HPSE2: variants seen among roughly 807,000 people sequenced by gnomAD.
HPSE2 encodes the protein heparanase 2 (inactive), also known as inactive heparanase-2.
HPSE2 carries 38 observed loss-of-function variants against 60.5 expected under a neutral mutation model. The ratio of observed to expected loss-of-function variants is 0.63; its 90% confidence interval spans 0.48 to 0.82. The LOEUF (loss-of-function observed/expected upper bound fraction) is 0.82, where lower values mean the gene tolerates loss of function less well. HPSE2 is among the 40% of genes least tolerant of loss of function. HPSE2 has a pLI of 0.00. For synonymous variants in HPSE2, 295 were observed against 293.2 expected, an observed-to-expected ratio of 1.01 and a Z score of -0.06; for missense variants, 713 against 740.4, an observed-to-expected ratio of 0.96 and a Z score of 0.43.
chr10:98,985,287 G>T (rs1270964755), intron 3 of HPSE2, among the ~76,000 whole-genome samples: 2 of 152,204 alleles, frequency 1.3e-5, no homozygotes, highest in Non-Finnish European at 2.9e-5. Flanking sequence ...ACTAACAGCT[G>T]ATCTCTTGGC....
chr10:98,472,893 A>T (rs1940838494), intron 11 of HPSE2, among the ~76,000 whole-genome samples: 1 of 152,212 alleles, frequency 6.6e-6, no homozygotes, highest in South Asian at 2.1e-4. Flanking sequence ...CAATGGAGGA[A>T]ATTGCCTTAT....
chr10:98,941,154 TC>T (rs1954986600), intron 3 of HPSE2, among the ~76,000 whole-genome samples: 1 of 140,730 alleles, frequency 7.1e-6, no homozygotes, highest in Non-Finnish European at 1.5e-5. Flanking sequence ...CTGGAAGCAA[TC>T]CCTTAGAAAA....
rs144567671 is a variant in HPSE2 at position 98,843,633 on chromosome 10, T to G, written c.611-99577A>C. Among the ~76,000 whole-genome samples the G allele has an allele frequency of 2.6e-5, 4 of 152,362 alleles. No homozygotes were observed. The East Asian group carries it at 7.7e-4, about 29-fold the overall frequency. ...CTAACCTACTTCCTGCTAAAATCTA[T>G]TCCCACTCCTACACTCACTGTTGAA... On this transcript the variant is annotated intron_variant, in intron 3 of 11. Coordinates refer to ENST00000370552, the MANE Select transcript of HPSE2 (RefSeq NM_021828.5).
At chr10:99,122,582 A>G (rs1360600231) in intron 3 of HPSE2, among the ~76,000 whole-genome samples, 3 of 148,230 alleles carry the variant, frequency 2.0e-5, no homozygotes, top group Non-Finnish European at 4.5e-5. Flanking sequence ...CAATAAAACT[A>G]TAAAATATCT....
chr10:99,180,376 T>A (rs963834330), intron 2 of HPSE2, among the ~76,000 whole-genome samples: 3 of 152,048 alleles, frequency 2.0e-5, no homozygotes, highest in African/African-American at 7.2e-5. Context: ...AGGGCTAATT[T>A]CCAGAATCTA....
intron 3 of HPSE2, among the ~76,000 whole-genome samples, chr10:99,127,441 A>C (rs976967109): frequency 2.6e-5 from 4 of 152,206 alleles, no homozygotes; most frequent in African/African-American, 9.6e-5. Context: ...TCGGACAAAG[A>C]CTAAGAAAAA....
intron 2 of HPSE2, among the ~76,000 whole-genome samples, chr10:99,217,135 T>G (rs1589832747): frequency 2.0e-5 from 3 of 151,814 alleles, no homozygotes; most frequent in Admixed American, 2.0e-4. Flanking sequence ...CAGCTCCCCA[T>G]GTTGTTTCTG....
the HPSE2 span, among the ~76,000 whole-genome samples, chr10:99,308,537 G>A: frequency 2.2e-3 from 332 of 152,054 alleles, no homozygotes; most frequent in African/African-American, 7.4e-3. Flanking sequence ...TACGAAATTC[G>A]TTAACCCTTT....
rs112423663 is a variant in HPSE2 at position 98,596,736 on chromosome 10, C to G, written c.1320+18168G>C. ...GTCTGCTGCTATCCTTATTGGAACTCCCTTATATGCGATTTGCTTCTTTTT... is the reference window on the plus strand; with the variant it reads ...GTCTGCTGCTATCCTTATTGGAACTGCCTTATATGCGATTTGCTTCTTTTT... On this transcript the variant is annotated intron_variant, in intron 9 of 11. Coordinates refer to ENST00000370552, the MANE Select transcript of HPSE2 (RefSeq NM_021828.5). 4.3e-3 allele frequency among the ~76,000 whole-genome samples: 653 copies of G among 152,202 alleles called. 3 individuals carry two copies. Among genetic ancestry groups the G allele is most frequent in the African/African-American group, 0.015 (630 of 41,526 alleles).
At chr10:98,545,326 C>A (rs1943630100) in intron 9 of HPSE2, among the ~76,000 whole-genome samples, 1 of 152,090 alleles carries the variant, frequency 6.6e-6, no homozygotes, top group Admixed American at 6.6e-5. Context: ...CATCCTGATA[C>A]CAAAGCCGGG....
intron 3 of HPSE2, among the ~76,000 whole-genome samples, chr10:98,974,140 A>G (rs1010654595): frequency 1.3e-5 from 2 of 151,924 alleles, no homozygotes; most frequent in Non-Finnish European, 2.9e-5. Flanking sequence ...AAAATACAAA[A>G]AATTAGCCAG....
At chr10:99,302,997 A>G in the HPSE2 span, among the ~76,000 whole-genome samples, 1 of 151,990 alleles carries the variant, frequency 6.6e-6, no homozygotes, top group African/African-American at 2.4e-5. Context: ...GAAGGCATTA[A>G]AAGTGTCCAG....
chr10:99,088,635 T>C (rs976379307), intron 3 of HPSE2, among the ~76,000 whole-genome samples: 3 of 152,240 alleles, frequency 2.0e-5, no homozygotes, highest in African/African-American at 7.2e-5. Flanking sequence ...TCCACATTTT[T>C]GCAACTGTGA....
chr10:98,946,740 T>C (rs1955195597), intron 3 of HPSE2, among the ~76,000 whole-genome samples: 1 of 152,050 alleles, frequency 6.6e-6, no homozygotes, highest in African/African-American at 2.4e-5. Flanking sequence ...TAAACAAATG[T>C]AAAGAGGCAG....
intron 3 of HPSE2, among the ~76,000 whole-genome samples, chr10:98,804,625 C>A (rs962911995): frequency 7.2e-5 from 11 of 152,086 alleles, no homozygotes; most frequent in African/African-American, 2.7e-4. Flanking sequence ...CAAAGACAGG[C>A]AATAACAAAT....
intron 2 of HPSE2, among the ~76,000 whole-genome samples, chr10:99,229,304 CA>C (rs1195549662): frequency 1.3e-5 from 2 of 152,156 alleles, no homozygotes; most frequent in African/African-American, 4.8e-5. Flanking sequence ...CTTTGGTTCT[CA>C]ACTCTGTTCC....
intron 3 of HPSE2, among the ~76,000 whole-genome samples, chr10:98,971,793 C>T (rs1037678927): frequency 6.6e-6 from 1 of 152,034 alleles, no homozygotes; most frequent in Non-Finnish European, 1.5e-5. Flanking sequence ...TGAGAATTCC[C>T]GTGGGGGCAT....
Position 98,930,137 on chromosome 10 carries a change from C to T in HPSE2, c.611-186081G>A, listed in dbSNP as rs892568489. Among the ~76,000 whole-genome samples the T allele has an allele frequency of 2.8e-5, 4 of 143,566 alleles. 1 individual carries two copies. The highest frequency in any genetic ancestry group is 6.0e-5 in the Non-Finnish European group (4 of 67,112). 94.2% of individuals were successfully genotyped at this position (143,566 alleles called of 152,430 possible). On this transcript the variant is annotated intron_variant, in intron 3 of 11. Coordinates refer to ENST00000370552, the MANE Select transcript of HPSE2 (RefSeq NM_021828.5). Reference sequence around the variant, plus strand: ...AGCTCTTTTCTCTAATGCTTCCCCCCTCCACTATCCACAACAGGCCCCAGT... The same window carrying T: ...AGCTCTTTTCTCTAATGCTTCCCCCTTCCACTATCCACAACAGGCCCCAGT...
chr10:99,304,352 G>A, the HPSE2 span, among the ~76,000 whole-genome samples: 3 of 152,314 alleles, frequency 2.0e-5, no homozygotes, highest in African/African-American at 4.8e-5. Flanking sequence ...AATTAAAAGT[G>A]GGTATAAATA....
Sources: allele counts gnomAD v4.1 joint callset (sites outside exome capture counted in the v4.1 genomes callset), GRCh38; gene constraint gnomAD v4.1.1; transcripts MANE v1.5; gene names NCBI Gene and HGNC (gene_info 2026-07-23, HGNC 2026-07-21).